ZNF831: variants seen among roughly 807,000 people sequenced by gnomAD.
ZNF831 encodes the protein chromosome 20 open reading frame 174.
A neutral mutation model predicts 95.8 loss-of-function variants in ZNF831; 59 were observed. That is an observed-to-expected ratio of 0.62 (90% CI 0.50 to 0.77). The LOEUF (loss-of-function observed/expected upper bound fraction) is 0.77, where lower values mean the gene tolerates loss of function less well. Among genes scored for constraint, ZNF831 ranks in the 30% least tolerant of loss-of-function variants. The probability of loss-of-function intolerance (pLI) is 0.00; values close to 1 mark genes in which losing one functional copy is unlikely to be tolerated. For synonymous variants in ZNF831, 961 were observed against 925.5 expected (o/e 1.04, Z -0.70); for missense variants, 2,205 against 2,164.0 (o/e 1.02, Z -0.38).
intron 4 of ZNF831, among the ~76,000 whole-genome samples, chr20:59,235,350 G>C (rs1266983352): frequency 1.3e-5 from 2 of 152,184 alleles, no homozygotes; most frequent in Non-Finnish European, 2.9e-5. Flanking sequence ...TCTGCCAAAA[G>C]TATCTGGTAC....
intron 1 of ZNF831, among the ~76,000 whole-genome samples, chr20:59,185,555 C>T (rs540094187): frequency 4.5e-4 from 69 of 152,208 alleles, no homozygotes; most frequent in African/African-American, 1.6e-3. Context: ...CCTCGGGTGA[C>T]AACCCCCTCA....
At chr20:59,222,069 G>T (rs1286965382) in intron 4 of ZNF831, among the ~76,000 whole-genome samples, 1 of 152,176 alleles carries the variant, frequency 6.6e-6, no homozygotes, top group Non-Finnish European at 1.5e-5. Flanking sequence ...TCCCTTAACT[G>T]CGCTGTTTTC....
intron 1 of ZNF831, among the ~76,000 whole-genome samples, chr20:59,144,311 GC>G (rs1221312904): frequency 6.6e-6 from 1 of 152,092 alleles, no homozygotes; most frequent in Non-Finnish European, 1.5e-5. Flanking sequence ...TCTCAGTTGA[GC>G]CCCAAAGAAG....
chr20:59,179,868 C>T (rs11086667), intron 1 of ZNF831, among the ~76,000 whole-genome samples: 20,739 of 152,022 alleles, frequency 0.14, 1,690 homozygotes, highest in East Asian at 0.26. Context: ...TTGGAGAATA[C>T]GATTCAACCC....
Position 59,192,133 on chromosome 20 carries a change from G to GCTTCTGT in ZNF831, c.1114_1115insCTTCTGT (p.Glu372AlafsTer86). On this transcript the variant is annotated frameshift_variant, in exon 2 of 6. Coordinates refer to ENST00000371030, the MANE Select transcript of ZNF831 (RefSeq NM_178457.3). LOFTEE classifies it high-confidence loss of function. This position sits in a 1 kb window ranked among gnomAD's most constrained non-coding sequence, Gnocchi z 5.2. ...GCACAGCCTTTCGGAGCACAGCGCC[G>GCTTCTGT]AGTCCGAGGGGGAGGGCGGCCCGGG... The GCTTCTGT allele has an allele frequency of 6.4e-7, 1 of 1,567,640 alleles. No individual in the cohort carries two copies.
chr20:59,145,892 A>G (rs548530511), intron 1 of ZNF831, among the ~76,000 whole-genome samples: 12 of 152,304 alleles, frequency 7.9e-5, no homozygotes, highest in Non-Finnish European at 1.8e-4. Flanking sequence ...CTCCTCCTCA[A>G]CTGAAGAGGA....
At chr20:59,216,987 G>A (rs1244025327) in intron 4 of ZNF831, among the ~76,000 whole-genome samples, 1 of 151,310 alleles carries the variant, frequency 6.6e-6, no homozygotes, top group Non-Finnish European at 1.5e-5. Flanking sequence ...CCACCTAGAG[G>A]GGCAAAAAAG....
At position 59,236,256 on chromosome 20, in the gene ZNF831, C is replaced by G. The variant is rs550744003; in HGVS notation, c.4028-16722C>G. On this transcript the variant is annotated intron_variant, in intron 4 of 5. Transcript: ENST00000371030. ...AGCACAGGATGTCTGTCCATCCCTG[C>G]CTAGCCAACGAGTCTCTTGGGCCAA... Among the ~76,000 whole-genome samples the G allele has an allele frequency of 4.7e-4, 71 of 152,310 alleles. 1 individual carries two copies. The highest frequency in any genetic ancestry group is 1.7e-3 in the African/African-American group (69 of 41,570).
chr20:59,158,738 G>A (rs1980679285), intron 2 of ZNF831, among the ~76,000 whole-genome samples: 1 of 152,154 alleles, frequency 6.6e-6, no homozygotes, highest in Admixed American at 6.5e-5. Flanking sequence ...GACATTAGGA[G>A]GGACTTTTTC....
intron 1 of ZNF831, among the ~76,000 whole-genome samples, chr20:59,124,362 A>G (rs956049528): frequency 1.3e-5 from 2 of 152,048 alleles, no homozygotes; most frequent in African/African-American, 4.8e-5. Flanking sequence ...TTTGAACAAA[A>G]CTGTCACCTC....
At chr20:59,155,625 C>T (rs1057021123) in intron 2 of ZNF831, among the ~76,000 whole-genome samples, 6 of 152,172 alleles carry the variant, frequency 3.9e-5, no homozygotes, top group African/African-American at 1.2e-4. Context: ...CGCTGCCCAG[C>T]GCAGCAGGGA....
At chr20:59,179,288 G>C (rs896366264) in intron 1 of ZNF831, among the ~76,000 whole-genome samples, 2 of 152,172 alleles carry the variant, frequency 1.3e-5, no homozygotes, top group Admixed American at 1.3e-4. Flanking sequence ...GCTTGTACCT[G>C]CTCCTCTCTG....
intron 2 of ZNF831, among the ~76,000 whole-genome samples, chr20:59,152,379 T>C (rs1261270910): frequency 6.6e-6 from 1 of 151,726 alleles, no homozygotes; most frequent in Non-Finnish European, 1.5e-5. Flanking sequence ...AGCGAGTAGG[T>C]GGACAGGTGG....
chr20:59,197,665 T>C (rs939611600), intron 3 of ZNF831, among the ~76,000 whole-genome samples: 7 of 152,178 alleles, frequency 4.6e-5, no homozygotes, highest in Non-Finnish European at 1.0e-4. Flanking sequence ...CTCAGGGTCC[T>C]GAGACAGAAG....
intron 1 of ZNF831, among the ~76,000 whole-genome samples, chr20:59,140,968 C>T (rs1476175752): frequency 6.6e-6 from 1 of 152,168 alleles, no homozygotes; most frequent in Non-Finnish European, 1.5e-5. Context: ...GGCACGATCT[C>T]AGCTCACTGC....
At chr20:59,157,341 C>T (rs1041291171) in intron 2 of ZNF831, among the ~76,000 whole-genome samples, 13 of 152,264 alleles carry the variant, frequency 8.5e-5, no homozygotes, top group African/African-American at 2.2e-4. Context: ...AGTGTGGGGG[C>T]GGATCCGTGT....
At chr20:59,195,564 C>T (rs143190408) in intron 2 of ZNF831, among the ~76,000 whole-genome samples, 7 of 152,092 alleles carry the variant, frequency 4.6e-5, no homozygotes, top group South Asian at 2.1e-4. Flanking sequence ...TGGGGGCTCC[C>T]GGGGAGGTGG....
chr20:59,159,458 C>T (rs1371980659), upstream of ZNF831, among the ~76,000 whole-genome samples: 3 of 152,196 alleles, frequency 2.0e-5, no homozygotes, highest in Non-Finnish European at 2.9e-5. Flanking sequence ...TAAATAAAAA[C>T]ATCGCTGAGG....
chr20:59,140,354 T>C (rs745948881), intron 1 of ZNF831, among the ~76,000 whole-genome samples: 3 of 152,154 alleles, frequency 2.0e-5, no homozygotes, highest in Non-Finnish European at 4.4e-5. Flanking sequence ...TTCTAGCAAA[T>C]CCATTGGGTG....
Sources: gnomAD v4.1 joint callset for allele counts (sites outside exome capture counted in the v4.1 genomes callset) on GRCh38, gnomAD v4.1.1 for gene constraint, Gnocchi (gnomAD v3.1) non-coding constraint, MANE v1.5 for transcripts, NCBI Gene and HGNC (gene_info 2026-07-23, HGNC 2026-07-21) for gene names.